The following CACNB2 variants were observed in gnomAD, a reference collection of about 807,000 sequenced individuals.
CACNB2 encodes voltage-dependent L-type calcium channel subunit beta-2.
Under a neutral mutation model 73.3 loss-of-function variants are expected in CACNB2, and 42 were observed. The observed-to-expected ratio is 0.57, with a 90% CI of 0.45 to 0.74. The LOEUF (loss-of-function observed/expected upper bound fraction) is 0.74. Ranked by LOEUF, CACNB2 falls within the 30% of genes least tolerant of loss-of-function variation. The pLI, the probability that CACNB2 is intolerant of heterozygous loss-of-function variation, is 0.00. For missense variants in CACNB2, 940 were observed against 853.0 expected (o/e 1.10, Z -1.27); for synonymous variants, 348 against 310.3 (o/e 1.12, Z -1.28).
intron 9 of CACNB2, among the ~76,000 whole-genome samples, chr10:18,520,556 C>T (rs2051760905): frequency 6.6e-6 from 1 of 152,156 alleles, no homozygotes; most frequent in African/African-American, 2.4e-5. Context: ...CTAGTGCCCA[C>T]CACTCCTTTA....
chr10:18,328,708 G>T (rs1228062336), intron 2 of CACNB2, among the ~76,000 whole-genome samples: 2 of 152,122 alleles, frequency 1.3e-5, no homozygotes, highest in Non-Finnish European at 2.9e-5. Flanking sequence ...CATTGAAGTC[G>T]ATGTAGATTT....
chr10:18,353,308 G>A (rs566346182), intron 2 of CACNB2, among the ~76,000 whole-genome samples: 2 of 152,180 alleles, frequency 1.3e-5, no homozygotes, highest in Non-Finnish European at 2.9e-5. Context: ...TACTCTGGAG[G>A]CTGAGGCAGG....
At chr10:18,274,395 T>C (rs2038187954) in intron 2 of CACNB2, among the ~76,000 whole-genome samples, 1 of 152,184 alleles carries the variant, frequency 6.6e-6, no homozygotes, top group Admixed American at 6.5e-5. Flanking sequence ...AGAAGCTTCC[T>C]CAACTTACTC....
chr10:18,303,840 C>G (rs1465606283), intron 2 of CACNB2, among the ~76,000 whole-genome samples: 4 of 152,130 alleles, frequency 2.6e-5, no homozygotes, highest in African/African-American at 9.7e-5. Flanking sequence ...TCCTACCCAC[C>G]TCAGACAATG....
intron 2 of CACNB2, among the ~76,000 whole-genome samples, chr10:18,334,905 G>T (rs1373032063): frequency 6.6e-6 from 1 of 152,102 alleles, no homozygotes; most frequent in African/African-American, 2.4e-5. Flanking sequence ...AGAAACCTGG[G>T]AGATGACAAG....
chr10:18,443,809 G>C (rs1030478931), intron 3 of CACNB2, among the ~76,000 whole-genome samples: 5 of 151,190 alleles, frequency 3.3e-5, no homozygotes, highest in Non-Finnish European at 7.4e-5. Flanking sequence ...CCACCTCCCA[G>C]GTTCAAGAGA....
chr10:18,405,991 C>T (rs1331694659), intron 3 of CACNB2, among the ~76,000 whole-genome samples: 1 of 151,862 alleles, frequency 6.6e-6, no homozygotes, highest in Non-Finnish European at 1.5e-5. Context: ...ACGATGGACT[C>T]AATGTGATCT....
intron 2 of CACNB2, among the ~76,000 whole-genome samples, chr10:18,298,311 A>G (rs2039361932): frequency 6.6e-6 from 1 of 151,914 alleles, no homozygotes; most frequent in African/African-American, 2.4e-5. Flanking sequence ...CGGAGGTTGC[A>G]GTGAGCCGAG....
At chr10:18,495,582 T>TGTGTG (rs1554830736) in intron 3 of CACNB2, among the ~76,000 whole-genome samples, 7,083 of 135,456 alleles carry the variant, frequency 0.052, 330 homozygotes, top group African/African-American at 0.13. Context: ...TGTGTGTGTG[T>TGTGTG]GTGTGTGTGT....
chr10:18,349,225 A>G (rs1311564756), intron 2 of CACNB2, among the ~76,000 whole-genome samples: 1 of 152,194 alleles, frequency 6.6e-6, no homozygotes, highest in Non-Finnish European at 1.5e-5. Flanking sequence ...AGTTCCCCAT[A>G]CAGCCTCCAC....
At chr10:18,154,307 C>A (rs868737738) in intron 2 of CACNB2, among the ~76,000 whole-genome samples, 6 of 145,116 alleles carry the variant, frequency 4.1e-5, no homozygotes, top group East Asian at 2.0e-4. Context: ...AAAAAAAAAA[C>A]AACTTGGAGA....
intron 2 of CACNB2, among the ~76,000 whole-genome samples, chr10:18,166,054 T>C (rs2032829302): frequency 6.6e-6 from 1 of 152,212 alleles, no homozygotes. Context: ...TATATATGAC[T>C]GTATATGTAC....
rs1451576858 is a variant in CACNB2 at position 18,543,296 on chromosome 10, T to A, written c.*3572T>A. The A allele has an allele frequency of 6.6e-6, 1 of 151,176 alleles. No homozygotes were observed. The highest frequency in any genetic ancestry group is 2.4e-5 in the African/African-American group (1 of 41,148). 9.4% of individuals were successfully genotyped at this position (151,176 alleles called of 1,614,324 possible). On this transcript the variant is annotated 3_prime_UTR_variant, in exon 14 of 14. Coordinates refer to ENST00000324631, the MANE Select transcript of CACNB2 (RefSeq NM_201596.3). ...TAGTAATCTTCCTATTATGTCTGAT[T>A]AAAAAAAAAGATACCTCCACGTAGA...
intron 6 of CACNB2, among the ~76,000 whole-genome samples, chr10:18,507,545 A>T (rs554110848): frequency 2.6e-5 from 4 of 152,368 alleles, no homozygotes; most frequent in African/African-American, 9.6e-5. Context: ...ATTCAAATTT[A>T]ACTGCATTTA....
chr10:18,273,136 G>A (rs904242156), intron 2 of CACNB2, among the ~76,000 whole-genome samples: 1 of 152,148 alleles, frequency 6.6e-6, no homozygotes, highest in Admixed American at 6.5e-5. Context: ...TGGGAACTGT[G>A]GCTGGGCTCC....
chr10:18,257,433 G>A (rs1361324188), intron 2 of CACNB2: 1 of 152,236 alleles, frequency 6.6e-6, no homozygotes, highest in Non-Finnish European at 1.5e-5. Context: ...AGTAAAGACT[G>A]AATCTGGTGG....
intron 3 of CACNB2, among the ~76,000 whole-genome samples, chr10:18,412,097 T>C (rs1167996642): frequency 2.6e-5 from 4 of 152,186 alleles, no homozygotes; most frequent in Non-Finnish European, 5.9e-5. Context: ...CATATGGTTG[T>C]TTATCCTCCA....
At chr10:18,307,084 G>C (rs1290840730) in intron 2 of CACNB2, among the ~76,000 whole-genome samples, 1 of 152,048 alleles carries the variant, frequency 6.6e-6, no homozygotes, top group African/African-American at 2.4e-5. Context: ...GATTATGGCA[G>C]AGAAAATGGT....
intron 2 of CACNB2, among the ~76,000 whole-genome samples, chr10:18,331,911 G>T (rs746931357): frequency 1.3e-5 from 2 of 152,142 alleles, no homozygotes; most frequent in African/African-American, 4.8e-5. Context: ...GATTAGGGGC[G>T]CAGGGTGGGG....
Sources: allele counts gnomAD v4.1 joint callset (sites outside exome capture counted in the v4.1 genomes callset), GRCh38; gene constraint gnomAD v4.1.1; transcripts MANE v1.5; gene names NCBI Gene and HGNC (gene_info 2026-07-23, HGNC 2026-07-21).